The following FRRS1 variants were observed in gnomAD, a reference collection of about 807,000 sequenced individuals.
FRRS1 encodes ferric reductase 1.
Under a neutral mutation model 70.7 loss-of-function variants are expected in FRRS1, and 51 were observed. That is an observed-to-expected ratio of 0.72 (90% CI 0.58 to 0.91). The LOEUF is 0.91. FRRS1 is among the 40% of genes least tolerant of loss of function. FRRS1 has a pLI of 0.00. For missense variants in FRRS1, 672 were observed against 726.0 expected (o/e 0.93, Z 0.86); for synonymous variants, 225 against 238.7 (o/e 0.94, Z 0.53).
chr1:99,766,367 A>G (rs970251569), intron 1 of FRRS1, among the ~76,000 whole-genome samples: 1 of 152,186 alleles, frequency 6.6e-6, no homozygotes, highest in African/African-American at 2.4e-5. Flanking sequence ...ATAACCACCC[A>G]TATCTTGGAA....
intron 9 of FRRS1, among the ~76,000 whole-genome samples, chr1:99,724,261 G>T (rs761636796): frequency 6.6e-6 from 1 of 152,162 alleles, no homozygotes; most frequent in Non-Finnish European, 1.5e-5. Flanking sequence ...AGCAGTAATA[G>T]GTTACCTACA....
chr1:99,758,156 A>C (rs1250077950), intron 1 of FRRS1, among the ~76,000 whole-genome samples: 1 of 152,254 alleles, frequency 6.6e-6, no homozygotes, highest in Non-Finnish European at 1.5e-5. Flanking sequence ...GGCACTTTAC[A>C]TAAGATAAGG....
intron 1 of FRRS1, among the ~76,000 whole-genome samples, chr1:99,753,432 A>G (rs531431297): frequency 6.2e-4 from 94 of 151,992 alleles, no homozygotes; most frequent in Non-Finnish European, 9.1e-4. Flanking sequence ...TTTGTAAAAA[A>G]CACACTATCT....
chr1:99,731,484 A>T (rs181657748), intron 7 of FRRS1, among the ~76,000 whole-genome samples: 1 of 152,372 alleles, frequency 6.6e-6, no homozygotes, highest in East Asian at 1.9e-4. Flanking sequence ...AATTCCAGAT[A>T]AGAAATTTGG....
At chr1:99,734,338 T>C (rs1655543187) in intron 7 of FRRS1, among the ~76,000 whole-genome samples, 1 of 152,224 alleles carries the variant, frequency 6.6e-6, no homozygotes, top group African/African-American at 2.4e-5. Flanking sequence ...GTCCATGTTC[T>C]TAGAAGACAC....
At position 99,715,635 on chromosome 1, in the gene FRRS1, G is replaced by A. The variant is rs1313014692; in HGVS notation, c.1274C>T (p.Thr425Ile). 5.0e-6 allele frequency: 8 copies of A among 1,613,436 alleles called. No individual in the cohort carries two copies. Among genetic ancestry groups the A allele is most frequent in the Non-Finnish European group, 6.8e-6 (8 of 1,179,526 alleles). ...RMLMFTTTVL[T>I]CIAFVMPFIY... ...AAACGGCATAACAAAAGCAATGCAG[G>A]TGAGGACAGTTGTGGTGAACATGAG... Residue 425 changes from threonine to isoleucine, a missense_variant, in exon 12 of 17, where the codon ACC becomes ATC. Thr to Ile is a moderately conservative substitution (Grantham distance 89). Transcript: ENST00000646001.
At chr1:99,717,738 T>C (rs2100913433) in intron 10 of FRRS1, among the ~76,000 whole-genome samples, 2 of 152,364 alleles carry the variant, frequency 1.3e-5, no homozygotes, top group South Asian at 4.1e-4. Flanking sequence ...GTGCCAGGCA[T>C]TCTAAATGCT....
At chr1:99,755,869 C>T (rs1367912943) in intron 1 of FRRS1, among the ~76,000 whole-genome samples, 1 of 152,210 alleles carries the variant, frequency 6.6e-6, no homozygotes, top group East Asian at 1.9e-4. Flanking sequence ...GAAAATATAA[C>T]AAGGTCAGAG....
chr1:99,717,538 TA>T lies in FRRS1; in HGVS notation c.1121-14del. Reference sequence around the variant, plus strand: ...AACATTAAGGCACCTACAAGTGAGATAAATGCAATAGTAGACAATCACAAAC... The same window carrying T: ...AACATTAAGGCACCTACAAGTGAGATAATGCAATAGTAGACAATCACAAAC... On this transcript the variant is annotated splice_polypyrimidine_tract_variant and intron_variant, in intron 10 of 16. Transcript: ENST00000646001. 2.0e-6 allele frequency: 3 copies of T among 1,513,906 alleles called. No individual in the cohort carries two copies. In the African/African-American group the frequency reaches 4.1e-5, roughly 21 times the overall value. The allele number at this position is 1,513,906 out of a possible 1,614,324, so 93.8% of individuals were successfully genotyped here.
rs1349293677 is a variant in FRRS1 at position 99,706,947 on chromosome 1, AATTT to A, written c.*2077_*2080del. Among the ~76,000 whole-genome samples, 1 of 152,190 alleles carries A rather than the reference AATTT, an allele frequency of 6.6e-6. No homozygotes were observed. The highest frequency in any genetic ancestry group is 1.9e-4 in the East Asian group (1 of 5,202). ...CAGATGTAGAATATAACTTAAGAGA[AATTT>A]ATTAACATTTAAGCTCCTTAGTATA... On this transcript the variant is annotated 3_prime_UTR_variant, in exon 17 of 17. Transcript: ENST00000646001.
rs750179783 is a variant in FRRS1, at chr1:99,712,442, AAGACTGCCAGAAG to A, written c.1384_1396del (p.Leu462SerfsTer26). On this transcript the variant is annotated frameshift_variant, in exon 13 of 17. Transcript: ENST00000646001. LOFTEE classifies it high-confidence loss of function. ...CCTTGGGTCATGTAAAGGTGGCCTG[AAGACTGCCAGAAG>A]AGGCTGAAGAACTGCCAAAGTCATC... 5.0e-6 allele frequency: 8 copies of A among 1,612,740 alleles called. No homozygotes were observed.
chr1:99,752,208 T>TA (rs1656604023), intron 1 of FRRS1, among the ~76,000 whole-genome samples: 1 of 152,238 alleles, frequency 6.6e-6, no homozygotes, highest in Non-Finnish European at 1.5e-5. Context: ...ACCATTTTGT[T>TA]CAAGAACTTT....
intron 3 of FRRS1, chr1:99,747,838 AT>A (rs1350896373): frequency 6.5e-6 from 1 of 153,618 alleles, no homozygotes; most frequent in African/African-American, 2.4e-5. Flanking sequence ...TGAACCCAAA[AT>A]AAAAGTTTAA....
intron 7 of FRRS1, among the ~76,000 whole-genome samples, chr1:99,732,833 T>C (rs1357688640): frequency 8.6e-6 from 1 of 116,292 alleles, no homozygotes; most frequent in South Asian, 3.0e-4. Context: ...TGGAGGGATA[T>C]TTTTGAGACA....
chr1:99,741,586 T>C (rs1655964263), intron 5 of FRRS1, among the ~76,000 whole-genome samples: 1 of 152,264 alleles, frequency 6.6e-6, no homozygotes, highest in African/African-American at 2.4e-5. Flanking sequence ...TCTGTTTTAA[T>C]TCTACTGAGT....
At chr1:99,752,336 A>G (rs1266968509) in intron 1 of FRRS1, among the ~76,000 whole-genome samples, 2 of 152,180 alleles carry the variant, frequency 1.3e-5, no homozygotes, top group African/African-American at 4.8e-5. Context: ...TTGAAAGTGA[A>G]AGATATATGA....
At chr1:99,727,894 T>C (rs1346003896) in intron 9 of FRRS1, among the ~76,000 whole-genome samples, 1 of 152,204 alleles carries the variant, frequency 6.6e-6, no homozygotes, top group Non-Finnish European at 1.5e-5. Context: ...CATAAAACTA[T>C]GTTAGGCTGT....
In FRRS1 at chr1:99,707,286, A is replaced by G. The variant is rs1030131035; in HGVS notation, c.*1742T>C. 1.3e-5 allele frequency among the ~76,000 whole-genome samples: 2 copies of G among 152,088 alleles called. No homozygotes were observed. Among genetic ancestry groups the G allele is most frequent in the African/African-American group, 4.8e-5 (2 of 41,458 alleles). ...AATTTTTGAAAAATATTAATAAAAT[A>G]AAGATGTAGGCTACATAGCTGAGGC... On this transcript the variant is annotated 3_prime_UTR_variant, in exon 17 of 17. Transcript: ENST00000646001.
chr1:99,766,578 G>A (rs1287556428), intron 1 of FRRS1, 29 bp downstream of exon 1: 2 of 152,196 alleles, frequency 1.3e-5, no homozygotes, highest in Non-Finnish European at 2.9e-5. Flanking sequence ...AAAGAGCTTT[G>A]ACATTAAGGA....
Sources: gnomAD v4.1 joint callset for allele counts (sites outside exome capture counted in the v4.1 genomes callset) on GRCh38, gnomAD v4.1.1 for gene constraint, MANE v1.5 for transcripts, NCBI Gene and HGNC (gene_info 2026-07-23, HGNC 2026-07-21) for gene names.